The following SETBP1 variants were observed in gnomAD, a reference collection of about 807,000 sequenced individuals.
The protein encoded by SETBP1 is SET binding protein 1.
A neutral mutation model predicts 101.0 loss-of-function variants in SETBP1; 9 were observed. The observed-to-expected ratio is 0.09, with a 90% CI of 0.05 to 0.16. SETBP1 has a LOEUF of 0.16. Ranked by LOEUF, SETBP1 falls within the 10% of genes least tolerant of loss-of-function variation. The pLI is 1.00. For synonymous variants in SETBP1, 818 were observed against 788.5 expected (o/e 1.04, Z -0.63); for missense variants, 1,858 against 2,033.8 (o/e 0.91, Z 1.66).
At chr18:44,895,466 T>C (rs1029911469) in intron 3 of SETBP1, among the ~76,000 whole-genome samples, 8 of 152,118 alleles carry the variant, frequency 5.3e-5, no homozygotes, top group African/African-American at 1.4e-4. Flanking sequence ...TCAAATATAA[T>C]TGTGTAGTCA....
chr18:44,925,420 G>A (rs1022132665), intron 3 of SETBP1, among the ~76,000 whole-genome samples: 2 of 152,034 alleles, frequency 1.3e-5, no homozygotes, highest in African/African-American at 4.8e-5. Context: ...CTTTTATGAT[G>A]GGAGAAATGA....
intron 2 of SETBP1, among the ~76,000 whole-genome samples, chr18:44,814,168 A>G (rs1353569081): frequency 6.6e-6 from 1 of 152,228 alleles, no homozygotes; most frequent in African/African-American, 2.4e-5. Context: ...AGGTTGGTAC[A>G]GAGAACCACA....
intron 2 of SETBP1, among the ~76,000 whole-genome samples, chr18:44,762,788 G>A (rs371412441): frequency 2.6e-5 from 4 of 152,320 alleles, no homozygotes; most frequent in South Asian, 2.1e-4. Flanking sequence ...TTTCTAAAGT[G>A]AATCTAAGTG....
At chr18:45,027,882 T>C (rs1341765011) in intron 4 of SETBP1, among the ~76,000 whole-genome samples, 1 of 152,216 alleles carries the variant, frequency 6.6e-6, no homozygotes, top group Non-Finnish European at 1.5e-5. Flanking sequence ...CTGTAGGAGA[T>C]AATCCATTTC....
intron 4 of SETBP1, among the ~76,000 whole-genome samples, chr18:45,012,838 T>G (rs2072867227): frequency 6.6e-6 from 1 of 152,124 alleles, no homozygotes; most frequent in Admixed American, 6.6e-5. Flanking sequence ...GATTGTGGAC[T>G]GATAGACATT....
At chr18:44,921,518 C>T (rs890518345) in intron 3 of SETBP1, among the ~76,000 whole-genome samples, 7 of 152,200 alleles carry the variant, frequency 4.6e-5, no homozygotes, top group Admixed American at 2.0e-4. Context: ...CGAAGGTTAG[C>T]GCACTGGGGG....
At chr18:44,866,204 G>A (rs2069125116) in intron 2 of SETBP1, among the ~76,000 whole-genome samples, 2 of 152,156 alleles carry the variant, frequency 1.3e-5, no homozygotes, top group Admixed American at 1.3e-4. Flanking sequence ...ACCTGTAGTG[G>A]CTGGAGAAGA....
At chr18:44,926,762 A>G (rs1326547507) in intron 3 of SETBP1, among the ~76,000 whole-genome samples, 1 of 95,964 alleles carries the variant, frequency 1.0e-5, no homozygotes, top group Non-Finnish European at 2.3e-5. Context: ...ACAAACAAAC[A>G]AACAACAACA....
chr18:44,698,782 C>T (rs2144177522), intron 1 of SETBP1, among the ~76,000 whole-genome samples: 1 of 152,282 alleles, frequency 6.6e-6, no homozygotes, highest in South Asian at 2.1e-4. Context: ...AAAAGTGTAA[C>T]TTCCTTGAGG....
At position 44,745,762 on chromosome 18, in the gene SETBP1, T is replaced by C. The variant is rs141510153; in HGVS notation, c.486+43930T>C. On this transcript the variant is annotated intron_variant, in intron 2 of 5. Transcript: ENST00000649279. ...TAGGGCCATGGAGCCTTGGAAGTGC[T>C]AAGTGAGCATCAAAGGAGGGAGCAG... is the stretch of plus-strand genomic sequence containing the variant. 5.8e-3 allele frequency among the ~76,000 whole-genome samples: 879 copies of C among 152,158 alleles called. 3 individuals carry two copies. Among genetic ancestry groups the C allele is most frequent in the African/African-American group, 0.02 (813 of 41,502 alleles).
chr18:44,869,525 A>G (rs2069221999), intron 3 of SETBP1: 6 of 497,036 alleles, frequency 1.2e-5, no homozygotes, highest in South Asian at 1.0e-4. Flanking sequence ...AAAAATATAT[A>G]GAGATCAAGA....
chr18:45,045,040 G>C (rs1392074718), intron 5 of SETBP1, among the ~76,000 whole-genome samples: 2 of 152,190 alleles, frequency 1.3e-5, no homozygotes, highest in African/African-American at 2.4e-5. Flanking sequence ...CCAGCACTTT[G>C]GGAGGCCAAG....
At chr18:45,045,003 G>C (rs1335909634) in intron 5 of SETBP1, among the ~76,000 whole-genome samples, 2 of 152,134 alleles carry the variant, frequency 1.3e-5, no homozygotes, top group Non-Finnish European at 2.9e-5. Context: ...TGGCAGATTG[G>C]CCAGGTGCGG....
At chr18:44,985,664 G>A (rs1382684910) in intron 4 of SETBP1, among the ~76,000 whole-genome samples, 1 of 152,184 alleles carries the variant, frequency 6.6e-6, no homozygotes, top group African/African-American at 2.4e-5. Flanking sequence ...CTAGGTACCA[G>A]TCTATCAATT....
chr18:44,987,195 A>G (rs1034119538), intron 4 of SETBP1: 1 of 152,158 alleles, frequency 6.6e-6, no homozygotes, highest in African/African-American at 2.4e-5. Context: ...TGGGACCACT[A>G]ACATATATGT....
chr18:44,869,179 T>G (rs1291923663), intron 2 of SETBP1, 51 bp from the exon 3 acceptor site: 1 of 1,525,852 alleles, frequency 6.6e-7, no homozygotes, highest in African/African-American at 1.4e-5. Flanking sequence ...GTGGGGATAC[T>G]GTATGCAAAC....
At chr18:44,796,716 C>T (rs1042919230) in intron 2 of SETBP1, among the ~76,000 whole-genome samples, 5 of 152,182 alleles carry the variant, frequency 3.3e-5, no homozygotes, top group African/African-American at 9.7e-5. Context: ...AGCCTTCTTT[C>T]AATGTAGGGT....
chr18:44,923,246 T>C (rs1251203742), intron 3 of SETBP1, among the ~76,000 whole-genome samples: 4 of 152,234 alleles, frequency 2.6e-5, no homozygotes, highest in South Asian at 2.1e-4. Flanking sequence ...GGAACTTCCC[T>C]TGCATAAAAG....
intron 1 of SETBP1, among the ~76,000 whole-genome samples, chr18:44,700,605 G>T (rs1179410405): frequency 2.6e-5 from 4 of 152,120 alleles, no homozygotes; most frequent in Non-Finnish European, 5.9e-5. Context: ...AAATAGAGAG[G>T]TCTTTGCATA....
Sources: gnomAD v4.1 joint callset for allele counts (sites outside exome capture counted in the v4.1 genomes callset) on GRCh38, gnomAD v4.1.1 for gene constraint, MANE v1.5 for transcripts, NCBI Gene and HGNC (gene_info 2026-07-23, HGNC 2026-07-21) for gene names.